The following LRRC4B variants were observed in gnomAD, a reference collection of about 807,000 sequenced individuals.
The protein encoded by LRRC4B is leucine-rich repeat-containing protein 4B.
LRRC4B carries 1 observed loss-of-function variant against 7.3 expected under a neutral mutation model. The ratio of observed to expected loss-of-function variants is 0.14; its 90% CI spans 0.05 to 0.65. The LOEUF (loss-of-function observed/expected upper bound fraction) is 0.65, where lower values mean the gene tolerates loss of function less well. Among genes scored for constraint, LRRC4B ranks in the 30% least tolerant of loss-of-function variants. The probability of loss-of-function intolerance (pLI) is 0.84; values close to 1 mark genes in which losing one functional copy is unlikely to be tolerated. For synonymous variants in LRRC4B, 500 were observed against 499.2 expected (o/e 1.00, Z -0.02); for missense variants, 730 against 1,041.6 (o/e 0.70, Z 4.12).
chr19:50,531,539 T>G (rs975775461), intron 2 of LRRC4B, among the ~76,000 whole-genome samples: 1 of 152,004 alleles, frequency 6.6e-6, no homozygotes, highest in Non-Finnish European at 1.5e-5. Flanking sequence ...GAGAACTGAG[T>G]GGAATGGGGG....
chr19:50,540,121 T>C (rs1981477657), intron 2 of LRRC4B, among the ~76,000 whole-genome samples: 2 of 152,114 alleles, frequency 1.3e-5, no homozygotes, highest in African/African-American at 4.8e-5. Context: ...CATTTCCCCA[T>C]GTCATCCACT....
intron 2 of LRRC4B, among the ~76,000 whole-genome samples, chr19:50,525,936 G>A (rs1343353339): frequency 1.3e-5 from 2 of 152,038 alleles, no homozygotes; most frequent in East Asian, 1.9e-4. Context: ...CGGCAGAATC[G>A]TTTGAACCCA....
At position 50,518,219 on chromosome 19, in the gene LRRC4B, C is replaced by T; in HGVS notation, c.1494G>A (p.Gln498=). 6.2e-7 allele frequency: 1 copy of T among 1,609,030 alleles called. No homozygotes were observed. The highest frequency in any genetic ancestry group is 8.5e-7 in the Non-Finnish European group (1 of 1,178,694). ...GCGGCTGCAGGGCCTCCTCTCCGGG[C>T]TGCGTCTCCAGGGTCTCCACGGTCA... ...TTVTVETLET[Q]PGEEALQPRG... Residue 498 remains glutamine (Q), a synonymous_variant, in exon 3 of 3, where the codon CAG becomes CAA. Transcript: ENST00000652263.
chr19:50,559,665 G>A (rs1982401696), intron 1 of LRRC4B, among the ~76,000 whole-genome samples: 1 of 152,246 alleles, frequency 6.6e-6, no homozygotes, highest in Admixed American at 6.5e-5. Context: ...ACTCATAGGG[G>A]TCCTGCCTAG....
chr19:50,546,082 C>T (rs1043058847), intron 2 of LRRC4B, among the ~76,000 whole-genome samples: 1 of 151,812 alleles, frequency 6.6e-6, no homozygotes, highest in South Asian at 2.1e-4. Flanking sequence ...CGCCTGTAAT[C>T]CCAGCACTTT....
chr19:50,539,336 G>A (rs1006424932), intron 2 of LRRC4B, among the ~76,000 whole-genome samples: 6 of 152,130 alleles, frequency 3.9e-5, no homozygotes, highest in South Asian at 4.1e-4. Flanking sequence ...CTTGCTGGGC[G>A]ACCTTGGATA....
rs201394663 is a variant in LRRC4B, at chr19:50,519,094, C to T, written c.619G>A (p.Val207Ile). Residue 207 changes from valine to isoleucine, a missense_variant, in exon 3 of 3, where the codon GTC (valine) becomes ATC (isoleucine). Around this residue, in one of 6 missense-constraint regions of LRRC4B, gnomAD observed 226 missense variants for 448.0 expected, o/e 0.50. Coordinates refer to ENST00000652263, the MANE Select transcript of LRRC4B (RefSeq NM_001080457.2). This position sits in a 1 kb window ranked among gnomAD's most constrained non-coding sequence, Gnocchi z 8.1. Reference sequence around the variant, plus strand: ...CCCAGGTTGAGGTAGCGCAGGTTGACCAGCCCCTCGAAGGCCGCCTCCGAG... The same window carrying T: ...CCCAGGTTGAGGTAGCGCAGGTTGATCAGCCCCTCGAAGGCCGCCTCCGAG... ...YISEAAFEGL[V>I]NLRYLNLGMC... The T allele has an allele frequency of 6.6e-4, 1,063 of 1,609,486 alleles. 1 individual carries two copies. The highest frequency in any genetic ancestry group is 9.2e-4 in the Admixed American group (55 of 59,984).
chr19:50,558,418 T>G (rs1353022688), intron 1 of LRRC4B, among the ~76,000 whole-genome samples: 1 of 152,168 alleles, frequency 6.6e-6, no homozygotes, highest in East Asian at 1.9e-4. Context: ...TTTGTAGAGA[T>G]AAGCTTTTGC....
chr19:50,539,010 C>A (rs1182480187), intron 2 of LRRC4B, among the ~76,000 whole-genome samples: 2 of 150,398 alleles, frequency 1.3e-5, no homozygotes, highest in East Asian at 4.0e-4. Flanking sequence ...GCCTCAGCCT[C>A]CCAAGTAGCC....
chr19:50,526,516 C>T (rs1268923185), intron 2 of LRRC4B, among the ~76,000 whole-genome samples: 3 of 152,100 alleles, frequency 2.0e-5, no homozygotes, highest in Non-Finnish European at 4.4e-5. Flanking sequence ...GGGCGTCTTG[C>T]GCAATGAAGG....
intron 2 of LRRC4B, among the ~76,000 whole-genome samples, chr19:50,547,553 G>A (rs1303018064): frequency 6.6e-6 from 1 of 151,476 alleles, no homozygotes; most frequent in Non-Finnish European, 1.5e-5. Flanking sequence ...CTTGCTTGGA[G>A]GCAGGAGTTG....
Position 50,518,787 on chromosome 19 carries a change from T to C in LRRC4B, c.926A>G (p.Asn309Ser), listed in dbSNP as rs1376489221. The change falls in exon 3 of 3, where the codon AAC becomes AGC. Residue 309 changes from asparagine (N) to serine (S), a missense_variant. Asn to Ser is a conservative substitution (Grantham distance 46). Transcript: ENST00000652263. The stretch of plus-strand genomic sequence containing the variant: ...GCAGTTGCAATGCCAGGGGTTGTGG[T>C]TGAGGTGCACGCGCTCGAGGCGGTG... ...PLHRLERVHL[N>S]HNPWHCNCDV... 1.2e-6 allele frequency: 2 copies of C among 1,613,762 alleles called. No individual in the cohort carries two copies. Among genetic ancestry groups the C allele is most frequent in the Non-Finnish European group, 1.7e-6 (2 of 1,179,920 alleles).
intron 1 of LRRC4B, among the ~76,000 whole-genome samples, chr19:50,565,869 C>T (rs1599790221): frequency 6.6e-6 from 1 of 152,156 alleles, no homozygotes; most frequent in East Asian, 1.9e-4. Context: ...AAGTGAGTAA[C>T]TCCGTGACTC....
rs1325316786 is a variant in LRRC4B, at chr19:50,517,943, C to T, written c.1770G>A (p.Ala590=). ...GCFVAITFMA[A]VMLVAFYKLR... ...GCTTGTAGAAGGCCACGAGCATCAC[C>T]GCGGCCATGAACGTGATGGCCACGA... is the stretch of plus-strand genomic sequence containing the variant. Residue 590 remains alanine, a synonymous_variant, in exon 3 of 3, where the codon GCG becomes GCA. Coordinates refer to ENST00000652263, the MANE Select transcript of LRRC4B (RefSeq NM_001080457.2). This position sits in a 1 kb window ranked among gnomAD's most constrained non-coding sequence, Gnocchi z 6.6. 6.4e-7 allele frequency: 1 copy of T among 1,558,612 alleles called. No individual in the cohort carries two copies. The highest frequency in any genetic ancestry group is 8.6e-7 in the Non-Finnish European group (1 of 1,158,526).
chr19:50,554,020 G>A (rs1449644937), intron 1 of LRRC4B, among the ~76,000 whole-genome samples: 1 of 139,324 alleles, frequency 7.2e-6, no homozygotes, highest in Non-Finnish European at 1.5e-5. Context: ...TTGAGACAGA[G>A]TCTCACTCTG....
Position 50,540,389 on chromosome 19 carries a change from G to A in LRRC4B, c.297+8153C>T, listed in dbSNP as rs1005348826. Among the ~76,000 whole-genome samples the A allele has an allele frequency of 1.1e-4, 16 of 152,214 alleles. 1 individual carries two copies. The South Asian group carries it at 3.3e-3, about 32-fold the overall frequency. ...CAAAAAAATTTTTTTTTGAGACAGAGTCTTGCTCTGTTGCCTAGGCTGGAG... is the reference window on the plus strand; with the variant it reads ...CAAAAAAATTTTTTTTTGAGACAGAATCTTGCTCTGTTGCCTAGGCTGGAG... On this transcript the variant is annotated intron_variant, in intron 2 of 2. Coordinates refer to ENST00000652263, the MANE Select transcript of LRRC4B (RefSeq NM_001080457.2).
rs555865466 is a variant in LRRC4B, at chr19:50,552,048, G to A, written c.-35-3175C>T. 3.3e-5 allele frequency among the ~76,000 whole-genome samples: 5 copies of A among 152,222 alleles called. No individual in the cohort carries two copies. In the East Asian group the frequency reaches 7.8e-4, roughly 24 times the overall value. On this transcript the variant is annotated intron_variant, in intron 1 of 2. Coordinates refer to ENST00000652263, the MANE Select transcript of LRRC4B (RefSeq NM_001080457.2). ...AGGAGGCAGCCGAGGAAGGTCGGGG[G>A]AAGCGGGGGAGGAAGGTTGCCGGCT...
intron 2 of LRRC4B, among the ~76,000 whole-genome samples, chr19:50,524,469 G>T (rs1044111824): frequency 2.1e-4 from 32 of 152,174 alleles, no homozygotes; most frequent in Non-Finnish European, 5.9e-5. Flanking sequence ...GCCCAGGCTG[G>T]TCTCAAACTC....
intron 2 of LRRC4B, among the ~76,000 whole-genome samples, chr19:50,535,057 A>G (rs1981210702): frequency 6.6e-6 from 1 of 151,854 alleles, no homozygotes. Flanking sequence ...TTTAGTAGAG[A>G]CAGGGTTTCA....
Sources: gnomAD v4.1 joint callset for allele counts (sites outside exome capture counted in the v4.1 genomes callset) on GRCh38, gnomAD v4.1.1 for gene constraint, gnomAD v4.1.1 regional missense constraint, Gnocchi (gnomAD v3.1) non-coding constraint, MANE v1.5 for transcripts, NCBI Gene and HGNC (gene_info 2026-07-23, HGNC 2026-07-21) for gene names.